L3MBTL4: variants seen among roughly 807,000 people sequenced by gnomAD.
L3MBTL4 encodes lethal(3)malignant brain tumor-like protein 4.
Under a neutral mutation model 84.5 loss-of-function variants are expected in L3MBTL4, and 70 were observed. That is an observed-to-expected ratio of 0.83 (90% CI 0.68 to 1.01). The LOEUF (loss-of-function observed/expected upper bound fraction) is 1.01, where lower values mean the gene tolerates loss of function less well. L3MBTL4 is among the 50% of genes least tolerant of loss of function. The probability of loss-of-function intolerance (pLI) is 0.00; values close to 1 mark genes in which losing one functional copy is unlikely to be tolerated. For synonymous variants in L3MBTL4, 274 were observed against 259.8 expected (o/e 1.05, Z -0.52); for missense variants, 715 against 754.8 (o/e 0.95, Z 0.62).
intron 16 of L3MBTL4, among the ~76,000 whole-genome samples, chr18:5,974,174 A>G (rs75864534): frequency 0.015 from 2,242 of 152,252 alleles, 56 homozygotes; most frequent in African/African-American, 0.051. Context: ...TTTCTTTTGG[A>G]TTTTATGGCC....
chr18:6,007,140 A>G (rs2054523574), intron 16 of L3MBTL4, among the ~76,000 whole-genome samples: 1 of 152,154 alleles, frequency 6.6e-6, no homozygotes, highest in Non-Finnish European at 1.5e-5. Flanking sequence ...AACGCTCACA[A>G]AAAAGTAAAG....
At chr18:5,961,016 G>A (rs367816878) in intron 17 of L3MBTL4, among the ~76,000 whole-genome samples, 10 of 152,220 alleles carry the variant, frequency 6.6e-5, no homozygotes, top group East Asian at 1.9e-4. Context: ...CAGTCCTGTC[G>A]CAGCAGGGGA....
intron 10 of L3MBTL4, among the ~76,000 whole-genome samples, chr18:6,226,342 G>T (rs2046782377): frequency 6.6e-6 from 1 of 152,084 alleles, no homozygotes; most frequent in South Asian, 2.1e-4. Flanking sequence ...GGAGGCAGAG[G>T]TTGCAGTGAG....
At chr18:6,031,651 C>T in intron 16 of L3MBTL4, 3 of 975,574 alleles carry the variant, frequency 3.1e-6, no homozygotes, top group Non-Finnish European at 3.7e-6. Context: ...GGGCAGCTGA[C>T]TCAGCTTCAC....
intron 14 of L3MBTL4, among the ~76,000 whole-genome samples, chr18:6,119,657 G>A (rs1210154547): frequency 6.6e-6 from 1 of 152,112 alleles, no homozygotes; most frequent in Non-Finnish European, 1.5e-5. Context: ...CAGGCCTAAG[G>A]AATATTATTT....
chr18:6,290,530 T>TATTTTTA (rs58374892), intron 4 of L3MBTL4, among the ~76,000 whole-genome samples: 28,622 of 151,832 alleles, frequency 0.19, 2,827 homozygotes, highest in African/African-American at 0.24. Context: ...CTTTTATTTT[T>TATTTTTA]TTTTTTTAAT....
At chr18:6,243,222 T>C in intron 7 of L3MBTL4, 72 bp downstream of exon 7, 2 of 1,314,406 alleles carry the variant, frequency 1.5e-6, no homozygotes, top group South Asian at 2.1e-5. Flanking sequence ...TCGAATTTCA[T>C]AAAGTATTGT....
At chr18:6,333,127 AC>A (rs976710515) in intron 1 of L3MBTL4, among the ~76,000 whole-genome samples, 81 of 150,064 alleles carry the variant, frequency 5.4e-4, no homozygotes, top group Middle Eastern at 3.4e-3. Context: ...TAAAAAAAAA[AC>A]ATATGGCATT....
At chr18:6,302,265 G>C (rs112342689) in intron 3 of L3MBTL4, among the ~76,000 whole-genome samples, 5 of 152,162 alleles carry the variant, frequency 3.3e-5, no homozygotes, top group African/African-American at 9.7e-5. Context: ...CCTGACAGTC[G>C]CACAGGAGTG....
chr18:6,070,095 T>C (rs76351425), intron 16 of L3MBTL4, among the ~76,000 whole-genome samples: 3,463 of 152,036 alleles, frequency 0.023, 133 homozygotes, highest in African/African-American at 0.08. Flanking sequence ...TATTCGCAGA[T>C]GGAGTCTCAA....
At chr18:6,336,368 C>T (rs2052338532) in intron 1 of L3MBTL4, among the ~76,000 whole-genome samples, 4 of 151,990 alleles carry the variant, frequency 2.6e-5, no homozygotes, top group Admixed American at 2.6e-4. Flanking sequence ...GCCAGAGGAT[C>T]GAAATTGGAG....
intron 16 of L3MBTL4, among the ~76,000 whole-genome samples, chr18:5,970,718 G>C (rs1196627899): frequency 1.3e-5 from 2 of 152,184 alleles, no homozygotes; most frequent in African/African-American, 4.8e-5. Context: ...CATAATTTAA[G>C]GTCTATTATG....
At chr18:6,323,705 T>G (rs766471624) in intron 1 of L3MBTL4, among the ~76,000 whole-genome samples, 2 of 152,208 alleles carry the variant, frequency 1.3e-5, no homozygotes, top group Non-Finnish European at 2.9e-5. Flanking sequence ...AGCAAAGATA[T>G]GACCTGAAAT....
chr18:6,412,063 G>A (rs2055989131), intron 1 of L3MBTL4, among the ~76,000 whole-genome samples: 1 of 152,074 alleles, frequency 6.6e-6, no homozygotes, highest in Admixed American at 6.5e-5. Flanking sequence ...TTTCCTGGGG[G>A]TTTGTTGTAC....
chr18:6,389,307 G>A (rs1033255218), intron 1 of L3MBTL4, among the ~76,000 whole-genome samples: 3 of 145,196 alleles, frequency 2.1e-5, no homozygotes, highest in African/African-American at 5.1e-5. Context: ...TCCAAATCTT[G>A]AAACAAAAGC....
At chr18:6,272,058 G>C (rs1427285464) in intron 4 of L3MBTL4, among the ~76,000 whole-genome samples, 1 of 152,186 alleles carries the variant, frequency 6.6e-6, no homozygotes, top group Non-Finnish European at 1.5e-5. Context: ...GGAAGTCTTC[G>C]TTGACTGTTG....
chr18:6,046,691 A>T (rs1317016316), intron 16 of L3MBTL4: 3 of 758,182 alleles, frequency 4.0e-6, no homozygotes, highest in Non-Finnish European at 7.3e-6. Flanking sequence ...AGTAAAAAAA[A>T]GTCTTTGAAA....
chr18:6,240,096 C>T (rs1371112184), intron 8 of L3MBTL4, among the ~76,000 whole-genome samples: 2 of 152,172 alleles, frequency 1.3e-5, no homozygotes, highest in African/African-American at 4.8e-5. Flanking sequence ...GTGCTTTTGC[C>T]TTTTGTTGTG....
At chr18:6,351,170 TG>T (rs1290546901) in intron 1 of L3MBTL4, among the ~76,000 whole-genome samples, 1 of 152,048 alleles carries the variant, frequency 6.6e-6, no homozygotes, top group Non-Finnish European at 1.5e-5. Flanking sequence ...CACTCCAGCC[TG>T]GGAGATGCAG....
Sources: allele counts gnomAD v4.1 joint callset (sites outside exome capture counted in the v4.1 genomes callset), GRCh38; gene constraint gnomAD v4.1.1; transcripts MANE v1.5; gene names NCBI Gene and HGNC (gene_info 2026-07-23, HGNC 2026-07-21).